The following SYNE2 variants were observed in gnomAD, a reference collection of about 807,000 sequenced individuals.
The protein encoded by SYNE2 is spectrin repeat containing nuclear envelope protein 2, also known as nesprin-2.
In SYNE2, 431 loss-of-function variants were observed where a neutral mutation model predicts 856.3. That is an observed-to-expected ratio of 0.50 (90% CI 0.47 to 0.55). SYNE2 has a LOEUF of 0.55. SYNE2 is among the 20% of genes least tolerant of loss of function. The probability of loss-of-function intolerance (pLI) is 0.00; values close to 1 mark genes in which losing one functional copy is unlikely to be tolerated. For missense variants in SYNE2, 8,129 were observed against 8,023.2 expected, an observed-to-expected ratio of 1.01 and a Z score of -0.50; for synonymous variants, 2,923 against 2,872.3, an observed-to-expected ratio of 1.02 and a Z score of -0.56.
rs1404533290 is a variant in SYNE2, at chr14:64,219,204, C to A, written c.19658-4C>A. On this transcript the variant is annotated splice_region_variant and splice_polypyrimidine_tract_variant and intron_variant, in intron 109 of 115. Transcript: ENST00000555002. ...TTTTTTAATTGGCGATTTTTTAATT[C>A]CAGGTGCCTTCGACAGATGGGAGAT... 1.3e-6 allele frequency: 2 copies of A among 1,565,544 alleles called. No individual in the cohort carries two copies. Among genetic ancestry groups the A allele is most frequent in the Non-Finnish European group, 1.7e-6 (2 of 1,153,586 alleles).
chr14:63,833,543 C>A (rs1455668247), intron 1 of SYNE2, among the ~76,000 whole-genome samples: 2 of 152,064 alleles, frequency 1.3e-5, no homozygotes, highest in Non-Finnish European at 2.9e-5. Context: ...TATGATAAAC[C>A]CCCAGCTAAG....
chr14:64,098,662 G>C, intron 62 of SYNE2, 85 bp from the exon 63 acceptor site: 1 of 1,411,794 alleles, frequency 7.1e-7, no homozygotes, highest in Middle Eastern at 1.8e-4. Flanking sequence ...TAAAAAATTA[G>C]CTACATAAAA....
intron 45 of SYNE2, among the ~76,000 whole-genome samples, chr14:64,035,508 A>G (rs1477080809): frequency 1.5e-5 from 2 of 134,190 alleles, no homozygotes; most frequent in African/African-American, 5.5e-5. Context: ...ACCAACTTAC[A>G]TGGTACATTT....
rs776942959 is a variant in SYNE2 at position 64,021,413 on chromosome 14, A to G, written c.5250A>G (p.Leu1750=). ...CHALSGSTAE[L]REDLDQAKTQ... ...CACTCAGTGGCAGCACTGCTGAGCT[A>G]AGGGAGGATCTCGACCAAGCCAAGA... Residue 1750 remains leucine (L), a synonymous_variant, in exon 36 of 116, where the codon CTA becomes CTG. Coordinates refer to ENST00000555002, the MANE Select transcript of SYNE2 (RefSeq NM_182914.3). The G allele has an allele frequency of 7.4e-6, 12 of 1,614,196 alleles. No individual in the cohort carries two copies. The African/African-American group carries it at 1.3e-4, about 18-fold the overall frequency.
At chr14:64,117,691 G>A (rs1374735112) in intron 66 of SYNE2, among the ~76,000 whole-genome samples, 1 of 152,162 alleles carries the variant, frequency 6.6e-6, no homozygotes, top group African/African-American at 2.4e-5. Flanking sequence ...GAGTTCAACT[G>A]TGACCCATCA....
chr14:64,017,277 C>G (rs559463094), intron 33 of SYNE2, among the ~76,000 whole-genome samples: 5 of 143,354 alleles, frequency 3.5e-5, no homozygotes, highest in Non-Finnish European at 7.4e-5. Context: ...TGCAGTGAGC[C>G]GAGTTCGCAC....
chr14:64,086,576 T>C (rs1200495536), intron 57 of SYNE2, among the ~76,000 whole-genome samples: 1 of 152,170 alleles, frequency 6.6e-6, no homozygotes, highest in Non-Finnish European at 1.5e-5. Context: ...GATTTGTAGA[T>C]CAATTTGGAA....
chr14:64,044,970 TTAAAA>T (rs2097175281), intron 45 of SYNE2, among the ~76,000 whole-genome samples: 1 of 152,182 alleles, frequency 6.6e-6, no homozygotes. Context: ...ATTTTATATT[TTAAAA>T]TAAAATGTTT....
intron 26 of SYNE2, 45 bp from the exon 27 acceptor site, chr14:63,998,869 A>AT: frequency 6.2e-7 from 1 of 1,609,944 alleles, no homozygotes; most frequent in South Asian, 1.1e-5. Flanking sequence ...GGCCTGTGTT[A>AT]TTTTAAAAAT....
At chr14:63,860,672 T>C (rs1893307651) in intron 1 of SYNE2, among the ~76,000 whole-genome samples, 1 of 152,216 alleles carries the variant, frequency 6.6e-6, no homozygotes, top group African/African-American at 2.4e-5. Flanking sequence ...CTGGGTGCAG[T>C]TTGTTATCAG....
At chr14:64,074,217 C>T in intron 53 of SYNE2, 81 bp downstream of exon 53, 3 of 1,446,234 alleles carry the variant, frequency 2.1e-6, no homozygotes, top group Non-Finnish European at 2.9e-6. Context: ...AGAGATAACT[C>T]AGTGGCTGGG....
chr14:63,821,948 T>G (rs949584429), intron 1 of SYNE2, among the ~76,000 whole-genome samples: 1 of 152,160 alleles, frequency 6.6e-6, no homozygotes, highest in Non-Finnish European at 1.5e-5. Flanking sequence ...CCCAGCACTT[T>G]GGGAGGCTGA....
chr14:63,825,389 T>C (rs953711783), intron 1 of SYNE2, among the ~76,000 whole-genome samples: 7 of 152,216 alleles, frequency 4.6e-5, no homozygotes, highest in Non-Finnish European at 1.0e-4. Context: ...ACTAATGTGT[T>C]TACCAAGGTT....
intron 1 of SYNE2, among the ~76,000 whole-genome samples, chr14:63,796,660 T>C (rs559821362): frequency 2.2e-4 from 34 of 152,220 alleles, no homozygotes; most frequent in African/African-American, 7.7e-4. Flanking sequence ...CTTGCCTTTT[T>C]TTTTCTTCTA....
chr14:63,832,124 T>C (rs888286211), intron 1 of SYNE2, among the ~76,000 whole-genome samples: 1 of 152,084 alleles, frequency 6.6e-6, no homozygotes, highest in African/African-American at 2.4e-5. Context: ...AAATTATGAT[T>C]TTCAAATTAA....
intron 74 of SYNE2, 41 bp downstream of exon 74, chr14:64,128,594 C>A: frequency 8.0e-7 from 1 of 1,253,344 alleles, no homozygotes; most frequent in Non-Finnish European, 1.2e-6. Context: ...TAACTTTGAA[C>A]CACAGAGCTT....
At position 64,093,332 on chromosome 14, in the gene SYNE2, T is replaced by C; in HGVS notation, c.11977-17T>C. 2.5e-6 allele frequency: 4 copies of C among 1,613,310 alleles called. No individual in the cohort carries two copies. The highest frequency in any genetic ancestry group is 3.4e-6 in the Non-Finnish European group (4 of 1,179,498). On this transcript the variant is annotated splice_polypyrimidine_tract_variant and intron_variant, in intron 60 of 115. Transcript: ENST00000555002. The stretch of plus-strand genomic sequence containing the variant: ...AGATTATGACAAAGATTCTTTTTTG[T>C]GGGGGTTATTTTATAGGTAGTCATA...
intron 21 of SYNE2, among the ~76,000 whole-genome samples, chr14:63,992,319 C>G (rs1294386700): frequency 6.6e-6 from 1 of 152,102 alleles, no homozygotes; most frequent in Non-Finnish European, 1.5e-5. Flanking sequence ...CTCTGTCACC[C>G]AGGCTGGAGT....
chr14:64,111,739 A>T (rs1239669439), intron 65 of SYNE2, among the ~76,000 whole-genome samples: 1 of 152,090 alleles, frequency 6.6e-6, no homozygotes, highest in Non-Finnish European at 1.5e-5. Context: ...CGGAGGTTGC[A>T]GTGAGCCGAG....
Sources: allele counts gnomAD v4.1 joint callset (sites outside exome capture counted in the v4.1 genomes callset), GRCh38; gene constraint gnomAD v4.1.1; transcripts MANE v1.5; gene names NCBI Gene and HGNC (gene_info 2026-07-23, HGNC 2026-07-21).